The following SLC23A2 variants were observed in gnomAD, a reference collection of about 807,000 sequenced individuals.
The protein encoded by SLC23A2 is solute carrier family 23 member 2.
In SLC23A2, 36 loss-of-function variants were observed where a neutral mutation model predicts 73.3. That is an observed-to-expected ratio of 0.49 (90% CI 0.38 to 0.65). The LOEUF (loss-of-function observed/expected upper bound fraction) is 0.65, where lower values mean the gene tolerates loss of function less well. Among genes scored for constraint, SLC23A2 ranks in the 30% least tolerant of loss-of-function variants. SLC23A2 has a pLI of 0.00. For missense variants in SLC23A2, 507 were observed against 841.6 expected (o/e 0.60, Z 4.92); for synonymous variants, 343 against 327.3 (o/e 1.05, Z -0.52).
At chr20:4,946,339 T>C (rs937344921) in intron 2 of SLC23A2, among the ~76,000 whole-genome samples, 7 of 151,726 alleles carry the variant, frequency 4.6e-5, no homozygotes, top group African/African-American at 1.2e-4. Context: ...AAAAAAAGGG[T>C]CCCTGGGCAA....
chr20:4,941,271 T>C (rs2087036839), intron 2 of SLC23A2, among the ~76,000 whole-genome samples: 1 of 152,064 alleles, frequency 6.6e-6, no homozygotes, highest in Admixed American at 6.5e-5. Flanking sequence ...TGCACGCCTA[T>C]AATCTTAGTA....
chr20:4,976,494 G>A (rs1050500367), intron 1 of SLC23A2, among the ~76,000 whole-genome samples: 10 of 151,754 alleles, frequency 6.6e-5, no homozygotes, highest in African/African-American at 2.2e-4. Context: ...TGGCCAACAC[G>A]GTGAAACCCC....
In SLC23A2 at chr20:4,856,704, G is replaced by A. The variant is rs958912940; in HGVS notation, c.*268C>T. 1 of 409,976 alleles carries A rather than the reference G, an allele frequency of 2.4e-6. No homozygotes were observed. Among genetic ancestry groups the A allele is most frequent in the South Asian group, 3.7e-5 (1 of 27,390 alleles). 25.4% of individuals were successfully genotyped at this position (409,976 alleles called of 1,614,324 possible). On this transcript the variant is annotated 3_prime_UTR_variant, in exon 17 of 17. Transcript: ENST00000338244. The surrounding 1 kb of genome is among the most constrained non-coding windows in gnomAD (Gnocchi z 4.6). ...GCAGATTTTAAATGTCCACTCCAAA[G>A]GGAGGACTGGAACTTCAAATTTAGT...
intron 2 of SLC23A2, among the ~76,000 whole-genome samples, chr20:4,966,933 T>C (rs965508721): frequency 8.0e-6 from 1 of 124,226 alleles, no homozygotes; most frequent in Non-Finnish European, 1.8e-5. Context: ...GCAGATTACA[T>C]GATGGGGAGC....
rs375477474 is a variant in SLC23A2 at position 4,986,817 on chromosome 20, CAA to C, written c.-282+14587_-282+14588del. Among the ~76,000 whole-genome samples the C allele has an allele frequency of 9.2e-3, 1,275 of 138,806 alleles. 48 individuals carry two copies. In the South Asian group the frequency reaches 0.15, roughly 16 times the overall value. 91.1% of individuals were successfully genotyped at this position (138,806 alleles called of 152,430 possible). ...AGATCTCAGAGTCAAAAAGAGAAAT[CAA>C]AAAAAAAAAGCTGAAGTCACTTTAA... On this transcript the variant is annotated intron_variant, in intron 1 of 16. Transcript: ENST00000338244.
intron 2 of SLC23A2, among the ~76,000 whole-genome samples, chr20:4,954,459 G>A (rs527799586): frequency 5.9e-5 from 9 of 152,216 alleles, no homozygotes; most frequent in Non-Finnish European, 1.2e-4. Flanking sequence ...CACTTTAGGA[G>A]GCCAAGGCAG....
chr20:4,874,588 G>A lies in SLC23A2; in HGVS notation c.933C>T (p.Phe311=), dbSNP rs747486034. The change falls in exon 10 of 17, where the codon TTC becomes TTT. Residue 311 remains phenylalanine (F), a synonymous_variant. Transcript: ENST00000338244. ...GTCAGCTACTCACAGGGAACATTTTGAACAGCTGTAACTTGTACGCAGTCC... is the reference window on the plus strand; with the variant it reads ...GTCAGCTACTCACAGGGAACATTTTAAACAGCTGTAACTTGTACGCAGTCC... The part of the protein sequence containing the change: ...KGWTAYKLQL[F]KMFPIILAIL... The A allele has an allele frequency of 1.9e-6, 3 of 1,598,358 alleles. No homozygotes were observed. Among genetic ancestry groups the A allele is most frequent in the Non-Finnish European group, 2.6e-6 (3 of 1,173,874 alleles).
At chr20:4,874,233 C>T in intron 10 of SLC23A2, 141 bp from the exon 11 acceptor site, 3 of 726,266 alleles carry the variant, frequency 4.1e-6, no homozygotes, top group Non-Finnish European at 6.7e-6. Flanking sequence ...AATGGACTCT[C>T]ACTGAGAGAG....
chr20:4,884,532 G>C (rs1362185949), intron 8 of SLC23A2, among the ~76,000 whole-genome samples: 1 of 152,204 alleles, frequency 6.6e-6, no homozygotes, highest in Non-Finnish European at 1.5e-5. Flanking sequence ...TGGGTGTGCA[G>C]GAGGGAGGAA....
chr20:4,999,630 C>T (rs1323653703), intron 1 of SLC23A2, among the ~76,000 whole-genome samples: 1 of 150,814 alleles, frequency 6.6e-6, no homozygotes, highest in Non-Finnish European at 1.5e-5. Context: ...TGGCCTCAAA[C>T]AATCCTCCCA....
chr20:4,895,509 G>A (rs1931485746), intron 6 of SLC23A2, among the ~76,000 whole-genome samples: 1 of 152,148 alleles, frequency 6.6e-6, no homozygotes, highest in African/African-American at 2.4e-5. Flanking sequence ...AAGTATTTTA[G>A]GAAACATAAT....
intron 1 of SLC23A2, among the ~76,000 whole-genome samples, chr20:4,980,727 A>T (rs1433518247): frequency 1.3e-5 from 2 of 151,916 alleles, no homozygotes; most frequent in Non-Finnish European, 2.9e-5. Flanking sequence ...ATGGGGTTTC[A>T]CCATGTTGGC....
chr20:4,883,673 T>C lies in SLC23A2; in HGVS notation c.793A>G (p.Arg265Gly). Reference protein sequence around the residue: ...GLSGFQAAGERAGKHWGIAML... With the variant: ...GLSGFQAAGEGAGKHWGIAML... Reference sequence around the variant, plus strand: ...GCAATGCCCCAGTGCTTCCCGGCTCTCTCCCCCGCTGCCTGGAAACCAGAG... The same window carrying C: ...GCAATGCCCCAGTGCTTCCCGGCTCCCTCCCCCGCTGCCTGGAAACCAGAG... The change falls in exon 9 of 17, where the codon AGA (arginine) becomes GGA (glycine). Residue 265 changes from arginine (R) to glycine (G), a missense_variant. This residue lies in a region of SLC23A2 where 217 missense variants were observed against 398.0 expected (regional missense o/e 0.55). Coordinates refer to ENST00000338244, the MANE Select transcript of SLC23A2 (RefSeq NM_005116.6). This position sits in a 1 kb window ranked among gnomAD's most constrained non-coding sequence, Gnocchi z 4.5. 1 of 1,613,150 alleles carries C rather than the reference T, an allele frequency of 6.2e-7. No individual in the cohort carries two copies. Among genetic ancestry groups the C allele is most frequent in the South Asian group, 1.1e-5 (1 of 90,986 alleles).
At chr20:4,884,497 T>C (rs1931019739) in intron 8 of SLC23A2, among the ~76,000 whole-genome samples, 1 of 152,232 alleles carries the variant, frequency 6.6e-6, no homozygotes, top group Non-Finnish European at 1.5e-5. Flanking sequence ...CTAGCTGTGC[T>C]GGCGGGTGTG....
intron 1 of SLC23A2, among the ~76,000 whole-genome samples, chr20:5,009,909 C>T (rs1028248772): frequency 2.0e-5 from 3 of 152,012 alleles, no homozygotes; most frequent in Non-Finnish European, 2.9e-5. Context: ...TCCTGGCTAA[C>T]GTGGTGAAAC....
chr20:4,907,640 G>A (rs1020758943), intron 4 of SLC23A2, among the ~76,000 whole-genome samples: 3 of 151,964 alleles, frequency 2.0e-5, no homozygotes, highest in African/African-American at 7.2e-5. Flanking sequence ...CAGAAGGGCT[G>A]GAAGTCAAAG....
chr20:4,859,215 C>CTAT (rs1281863738), intron 16 of SLC23A2, 74 bp downstream of exon 16: 5 of 897,614 alleles, frequency 5.6e-6, no homozygotes, highest in Non-Finnish European at 9.0e-6. Context: ...TTTTCCATTT[C>CTAT]TATTTGGCAA....
intron 9 of SLC23A2, among the ~76,000 whole-genome samples, chr20:4,879,446 C>T (rs908335591): frequency 1.5e-5 from 2 of 135,138 alleles, no homozygotes; most frequent in African/African-American, 5.7e-5. Context: ...CTCCTATTCT[C>T]ACATTGCTAA....
At chr20:4,963,841 C>T (rs1290536415) in intron 2 of SLC23A2, among the ~76,000 whole-genome samples, 2 of 151,940 alleles carry the variant, frequency 1.3e-5, no homozygotes, top group Non-Finnish European at 2.9e-5. Context: ...TAGTGAGACT[C>T]TGTCTCAAAA....
Sources: gnomAD v4.1 joint callset for allele counts (sites outside exome capture counted in the v4.1 genomes callset) on GRCh38, gnomAD v4.1.1 for gene constraint, gnomAD v4.1.1 regional missense constraint, Gnocchi (gnomAD v3.1) non-coding constraint, MANE v1.5 for transcripts, NCBI Gene and HGNC (gene_info 2026-07-23, HGNC 2026-07-21) for gene names.